TCERG1: variants seen among roughly 807,000 people sequenced by gnomAD.
The protein encoded by TCERG1 is transcription elongation regulator 1, also known as TATA box binding protein (TBP)-associated factor, RNA polymerase II, S, 150kD.
Under a neutral mutation model 144.7 loss-of-function variants are expected in TCERG1, and 37 were observed. The observed-to-expected ratio is 0.26, with a 90% CI of 0.20 to 0.34. The LOEUF (loss-of-function observed/expected upper bound fraction) is 0.34. Among genes scored for constraint, TCERG1 ranks in the 10% least tolerant of loss-of-function variants. TCERG1 has a pLI of 1.00. For missense variants in TCERG1, 1,027 were observed against 1,380.7 expected (o/e 0.74, Z 4.06); for synonymous variants, 492 against 458.2 (o/e 1.07, Z -0.94).
chr5:146,475,239 C>T (rs1480224993), intron 9 of TCERG1, among the ~76,000 whole-genome samples: 2 of 152,240 alleles, frequency 1.3e-5, no homozygotes, highest in Non-Finnish European at 2.9e-5. Flanking sequence ...ATAGGATCCT[C>T]CATTCCTGAA....
chr5:146,497,021 C>T (rs1766983664), intron 16 of TCERG1, among the ~76,000 whole-genome samples: 2 of 151,738 alleles, frequency 1.3e-5, no homozygotes, highest in African/African-American at 4.8e-5. Context: ...GTGCCTGCCA[C>T]TACTCCCAGC....
chr5:146,453,717 C>T lies in TCERG1; in HGVS notation c.60-1339C>T, dbSNP rs185708314. On this transcript the variant is annotated intron_variant, in intron 1 of 22. Coordinates refer to ENST00000679501, the MANE Select transcript of TCERG1 (RefSeq NM_001382548.1). ...CTTTGGGAGGCTGAGGTGTGCAGAT[C>T]GCCTGAGGTCAGGAGTTCAAGACCA... Among the ~76,000 whole-genome samples, 49 of 151,348 alleles carry T rather than the reference C, an allele frequency of 3.2e-4. 1 individual carries two copies. In the East Asian group the frequency reaches 7.4e-3, roughly 23 times the overall value.
At chr5:146,489,998 A>C (rs1283756876) in intron 15 of TCERG1, among the ~76,000 whole-genome samples, 2 of 152,204 alleles carry the variant, frequency 1.3e-5, no homozygotes, top group Non-Finnish European at 2.9e-5. Flanking sequence ...AGTTCTTTCT[A>C]GATTCTCAAA....
intron 14 of TCERG1, 64 bp downstream of exon 14, chr5:146,482,791 T>C (rs1765477485): frequency 6.7e-7 from 1 of 1,487,012 alleles, no homozygotes. Context: ...TATGTCTTGC[T>C]AAAAGGTCAA....
At chr5:146,453,307 A>C (rs964201618) in intron 1 of TCERG1, among the ~76,000 whole-genome samples, 1 of 152,148 alleles carries the variant, frequency 6.6e-6, no homozygotes, top group Non-Finnish European at 1.5e-5. Context: ...AAGTAATTTC[A>C]AATTTACAAA....
intron 9 of TCERG1, among the ~76,000 whole-genome samples, chr5:146,473,625 TA>T (rs1227776642): frequency 6.6e-6 from 1 of 152,186 alleles, no homozygotes; most frequent in Non-Finnish European, 1.5e-5. Flanking sequence ...CTGGTGACTT[TA>T]AGTTGAAGCC....
intron 17 of TCERG1, among the ~76,000 whole-genome samples, chr5:146,500,223 T>G (rs1429698472): frequency 6.6e-6 from 1 of 152,038 alleles, no homozygotes; most frequent in Non-Finnish European, 1.5e-5. Flanking sequence ...TCAGCCAATT[T>G]AAAGAATGCA....
At chr5:146,478,391 C>T (rs1420241771) in intron 9 of TCERG1, 102 bp from the exon 10 acceptor site, 1 of 1,223,422 alleles carries the variant, frequency 8.2e-7, no homozygotes, top group Non-Finnish European at 1.1e-6. Flanking sequence ...ACATGTCGTT[C>T]TTCAGTACCC....
intron 15 of TCERG1, among the ~76,000 whole-genome samples, chr5:146,489,968 G>A (rs1766237052): frequency 6.6e-6 from 1 of 152,138 alleles, no homozygotes; most frequent in Admixed American, 6.6e-5. Flanking sequence ...GTCTGGGGTA[G>A]CCCAGCAGAG....
intron 9 of TCERG1, among the ~76,000 whole-genome samples, chr5:146,472,557 A>G (rs1251337476): frequency 6.6e-6 from 1 of 152,056 alleles, no homozygotes. Context: ...TAACTGTTCC[A>G]CCGACCGGCT....
At position 146,482,546 on chromosome 5, in the gene TCERG1, G is replaced by T. The variant is rs555742609; in HGVS notation, c.1938-46G>T. ...TTTTAAGATTTCTAATAAGATCTGA[G>T]AATTAATATTTTGTCAGTTGATGTC... On this transcript the variant is annotated intron_variant, in intron 13 of 22. Coordinates refer to ENST00000679501, the MANE Select transcript of TCERG1 (RefSeq NM_001382548.1). The T allele has an allele frequency of 4.6e-6, 7 of 1,526,358 alleles. No individual in the cohort carries two copies. The African/African-American group carries it at 9.8e-5, about 21-fold the overall frequency. 94.6% of individuals were successfully genotyped at this position (1,526,358 alleles called of 1,614,324 possible). A position where few individuals can be genotyped will look rare whatever the true frequency, so the allele number is the denominator to read the frequency against.
rs955299218 is a variant in TCERG1 at position 146,509,198 on chromosome 5, A to G, written c.3099A>G (p.Lys1033=). The G allele has an allele frequency of 3.7e-6, 6 of 1,609,968 alleles. No homozygotes were observed. Among genetic ancestry groups the G allele is most frequent in the Non-Finnish European group, 5.1e-6 (6 of 1,178,580 alleles). The part of the protein sequence containing the change: ...EYIRDKYITA[K]ADFRTLLKET... Reference sequence around the variant, plus strand: ...TCAGAGACAAATATATCACAGCCAAAGCTGACTTCAGGACGCTTTTGAAAG... The same window carrying G: ...TCAGAGACAAATATATCACAGCCAAGGCTGACTTCAGGACGCTTTTGAAAG... The change falls in exon 22 of 23, where the codon AAA becomes AAG. Residue 1033 remains lysine (K), a synonymous_variant. Coordinates refer to ENST00000679501, the MANE Select transcript of TCERG1 (RefSeq NM_001382548.1).
intron 1 of TCERG1, among the ~76,000 whole-genome samples, chr5:146,449,306 A>G (rs1762160599): frequency 6.6e-6 from 1 of 152,234 alleles, no homozygotes; most frequent in African/African-American, 2.4e-5. Flanking sequence ...GCTACATGAC[A>G]GTTGCTGACC....
chr5:146,455,040 T>A lies in TCERG1; in HGVS notation c.60-16T>A. ...ATTTTAAGAAAGAAAAATTTATTCCTTGCTTTCCCATGCAGGATGGCCCAA... is the reference window on the plus strand; with the variant it reads ...ATTTTAAGAAAGAAAAATTTATTCCATGCTTTCCCATGCAGGATGGCCCAA... On this transcript the variant is annotated splice_polypyrimidine_tract_variant and intron_variant, in intron 1 of 22. Coordinates refer to ENST00000679501, the MANE Select transcript of TCERG1 (RefSeq NM_001382548.1). 6.2e-7 allele frequency: 1 copy of A among 1,612,482 alleles called. No homozygotes were observed. The highest frequency in any genetic ancestry group is 8.5e-7 in the Non-Finnish European group (1 of 1,179,228).
At chr5:146,448,322 A>G (rs531677571) in intron 1 of TCERG1, among the ~76,000 whole-genome samples, 75 of 151,750 alleles carry the variant, frequency 4.9e-4, no homozygotes, top group African/African-American at 1.7e-3. Context: ...TGAACAGTGC[A>G]GTGACCTTTT....
intron 15 of TCERG1, among the ~76,000 whole-genome samples, chr5:146,487,749 A>T (rs971364681): frequency 7.2e-6 from 1 of 138,234 alleles, no homozygotes; most frequent in East Asian, 3.0e-4. Context: ...AAAAAAAAAA[A>T]TCCTAAAATT....
chr5:146,487,620 A>G (rs1199402871), intron 15 of TCERG1, among the ~76,000 whole-genome samples: 1 of 152,004 alleles, frequency 6.6e-6, no homozygotes, highest in African/African-American at 2.4e-5. Context: ...CTATAGTCCA[A>G]GCTACTTGGG....
Position 146,507,429 on chromosome 5 carries a change from A to G in TCERG1, c.2961+222A>G, listed in dbSNP as rs962425358. 1.5e-5 allele frequency: 7 copies of G among 454,778 alleles called. No homozygotes were observed. The highest frequency in any genetic ancestry group is 2.7e-5 in the Non-Finnish European group (7 of 264,130). 28.2% of individuals were successfully genotyped at this position (454,778 alleles called of 1,614,324 possible). On this transcript the variant is annotated intron_variant, in intron 20 of 22. Transcript: ENST00000679501. The surrounding 1 kb of genome is among the most constrained non-coding windows in gnomAD (Gnocchi z 4.6). The stretch of plus-strand genomic sequence containing the variant: ...TTCATAACTGCTCCCATAGTAATTC[A>G]AAATGTCCTTAGCCATGTGGTCAGT...
intron 7 of TCERG1, among the ~76,000 whole-genome samples, chr5:146,470,237 A>T (rs542656625): frequency 1.1e-4 from 16 of 152,294 alleles, no homozygotes; most frequent in Admixed American, 4.6e-4. Flanking sequence ...TCCTGGGCTT[A>T]AGCAATCCTT....
Sources: gnomAD v4.1 joint callset for allele counts (sites outside exome capture counted in the v4.1 genomes callset) on GRCh38, gnomAD v4.1.1 for gene constraint, Gnocchi (gnomAD v3.1) non-coding constraint, MANE v1.5 for transcripts, NCBI Gene and HGNC (gene_info 2026-07-23, HGNC 2026-07-21) for gene names.